The following TPRG1 variants were observed in gnomAD, a reference collection of about 807,000 sequenced individuals.
TPRG1 encodes the protein tumor protein p63 regulated 1.
TPRG1 carries 29 observed loss-of-function variants against 29.3 expected under a neutral mutation model. The ratio of observed to expected loss-of-function variants is 0.99; its 90% CI spans 0.74 to 1.35. The LOEUF is 1.35. Ranked by LOEUF, TPRG1 falls within the 40% of genes most tolerant of loss-of-function variation. The pLI, the probability that TPRG1 is intolerant of heterozygous loss-of-function variation, is 0.00. For synonymous variants in TPRG1, 130 were observed against 116.8 expected (o/e 1.11, Z -0.73); for missense variants, 327 against 335.0 (o/e 0.98, Z 0.19).
chr3:189,216,608 A>G (rs924515234), intron 3 of TPRG1, among the ~76,000 whole-genome samples: 1 of 152,216 alleles, frequency 6.6e-6, no homozygotes, highest in Non-Finnish European at 1.5e-5. Flanking sequence ...CAAAATGCCT[A>G]GCACATGGAC....
chr3:189,296,701 G>A (rs1480252410), intron 4 of TPRG1, among the ~76,000 whole-genome samples: 2 of 152,196 alleles, frequency 1.3e-5, no homozygotes, highest in African/African-American at 4.8e-5. Context: ...CTTTGACCTT[G>A]TCAAAAGAGG....
At chr3:189,163,676 C>T (rs947908227) in intron 5 of TPRG1, among the ~76,000 whole-genome samples, 2 of 152,188 alleles carry the variant, frequency 1.3e-5, no homozygotes, top group African/African-American at 4.8e-5. Context: ...TTACAGCTCT[C>T]TGTGCCTTAG....
At chr3:189,013,488 T>C (rs926271613) in intron 3 of TPRG1, among the ~76,000 whole-genome samples, 1 of 152,280 alleles carries the variant, frequency 6.6e-6, no homozygotes, top group Admixed American at 6.5e-5. Flanking sequence ...AAGAAGAATG[T>C]ATATTCTGTT....
intron 5 of TPRG1, among the ~76,000 whole-genome samples, chr3:189,313,421 T>C (rs1238548277): frequency 6.6e-6 from 1 of 152,140 alleles, no homozygotes; most frequent in East Asian, 1.9e-4. Context: ...ATCTCTCTGA[T>C]GAATGAAATA....
At chr3:189,051,207 T>A (rs1303299208) in intron 4 of TPRG1, among the ~76,000 whole-genome samples, 1 of 152,162 alleles carries the variant, frequency 6.6e-6, no homozygotes, top group Non-Finnish European at 1.5e-5. Context: ...TCTAGAGAGC[T>A]CCCAGAACTG....
intron 2 of TPRG1, among the ~76,000 whole-genome samples, chr3:189,210,922 C>T (rs1735165831): frequency 6.6e-6 from 1 of 152,094 alleles, no homozygotes; most frequent in Admixed American, 6.6e-5. Context: ...GGAGGGATTA[C>T]TTGGTCAGGT....
At chr3:189,227,207 G>T (rs1737888812) in intron 3 of TPRG1, among the ~76,000 whole-genome samples, 1 of 151,986 alleles carries the variant, frequency 6.6e-6, no homozygotes, top group Admixed American at 6.6e-5. Context: ...TCATGCCTGT[G>T]GTCCCAGCTA....
chr3:189,065,587 G>A (rs1476962886), intron 4 of TPRG1, among the ~76,000 whole-genome samples: 1 of 151,758 alleles, frequency 6.6e-6, no homozygotes, highest in Non-Finnish European at 1.5e-5. Context: ...ATCAATTGAT[G>A]CAGAAAAAAT....
At chr3:189,207,168 C>T in intron 1 of TPRG1, 1 of 984,968 alleles carries the variant, frequency 1.0e-6, no homozygotes, top group Non-Finnish European at 1.2e-6. Context: ...TCCTTCACTT[C>T]TCTGGTAAAT....
intron 4 of TPRG1, among the ~76,000 whole-genome samples, chr3:189,264,744 G>C (rs918444911): frequency 1.3e-5 from 2 of 152,070 alleles, no homozygotes; most frequent in African/African-American, 4.8e-5. Context: ...TTGAACAAGG[G>C]CCTAGGTTGT....
intron 2 of TPRG1, among the ~76,000 whole-genome samples, chr3:189,128,931 G>A (rs368939179): frequency 8.5e-5 from 13 of 152,124 alleles, no homozygotes; most frequent in Non-Finnish European, 1.3e-4. Flanking sequence ...TGCCGCACCC[G>A]GCCCAACTCA....
chr3:189,314,982 A>G (rs1306969007), intron 5 of TPRG1, among the ~76,000 whole-genome samples: 1 of 152,138 alleles, frequency 6.6e-6, no homozygotes, highest in Non-Finnish European at 1.5e-5. Flanking sequence ...TAAATTAATG[A>G]GACATGGTGG....
intron 4 of TPRG1, among the ~76,000 whole-genome samples, chr3:189,270,241 G>C (rs936361642): frequency 1.3e-5 from 2 of 151,994 alleles, no homozygotes; most frequent in African/African-American, 4.8e-5. Flanking sequence ...TACCATATTG[G>C]AGGGAACATG....
intron 4 of TPRG1, among the ~76,000 whole-genome samples, chr3:189,088,302 T>C (rs1718097631): frequency 7.2e-6 from 1 of 139,104 alleles, no homozygotes; most frequent in Admixed American, 6.7e-5. Flanking sequence ...TGGCTCTCTG[T>C]TTGTCTGTTA....
chr3:189,042,386 G>A (rs1231660251), intron 4 of TPRG1, among the ~76,000 whole-genome samples: 1 of 152,088 alleles, frequency 6.6e-6, no homozygotes, highest in African/African-American at 2.4e-5. Flanking sequence ...TGTCAGAGGT[G>A]AGTAAAATAT....
chr3:189,262,685 G>A (rs1713335953), intron 4 of TPRG1, among the ~76,000 whole-genome samples: 1 of 152,216 alleles, frequency 6.6e-6, no homozygotes, highest in Non-Finnish European at 1.5e-5. Context: ...TGAACACTTA[G>A]TAGTGTAAAA....
upstream of TPRG1, among the ~76,000 whole-genome samples, chr3:189,167,885 G>A (rs1390046933): frequency 6.6e-6 from 1 of 152,164 alleles, no homozygotes; most frequent in African/African-American, 2.4e-5. Context: ...TTTTGCAAAG[G>A]AGAAAGAGAG....
At chr3:189,315,851 A>G (rs1723427334) in intron 5 of TPRG1, among the ~76,000 whole-genome samples, 1 of 152,204 alleles carries the variant, frequency 6.6e-6, no homozygotes, top group South Asian at 2.1e-4. Context: ...GGCAGCAAAG[A>G]CTTTCACAAA....
Position 189,158,043 on chromosome 3 carries a change from C to T in TPRG1, c.-10+7171C>T, listed in dbSNP as rs893540961. ...TGTCGCATCATTCTTTTGCTTCTCA[C>T]GGGGAGCACGTTTATCAAACAAAGA... On this transcript the variant is annotated intron_variant, in intron 5 of 6. Coordinates refer to the TPRG1 transcript ENST00000412373. 5.3e-5 allele frequency among the ~76,000 whole-genome samples: 8 copies of T among 152,234 alleles called. No individual in the cohort carries two copies. In the East Asian group the frequency reaches 1.2e-3, roughly 22 times the overall value.
Sources: gnomAD v4.1 joint callset for allele counts (sites outside exome capture counted in the v4.1 genomes callset) on GRCh38, gnomAD v4.1.1 for gene constraint, MANE v1.5 for transcripts, NCBI Gene and HGNC (gene_info 2026-07-23, HGNC 2026-07-21) for gene names.